NOL12: variants seen among roughly 807,000 people sequenced by gnomAD.
NOL12 encodes nucleolar protein 12.
NOL12 carries 21 observed loss-of-function variants against 25.2 expected under a neutral mutation model. The observed-to-expected ratio is 0.83, with a 90% CI of 0.59 to 1.20. NOL12 has a LOEUF of 1.20. NOL12 is among the 50% of genes most tolerant of loss of function. The pLI is 0.00. For missense variants in NOL12, 286 were observed against 287.6 expected (o/e 0.99, Z 0.04); for synonymous variants, 133 against 113.8 (o/e 1.17, Z -1.08).
In NOL12 at chr22:37,691,384, T is replaced by TTGCTCAGCTTGGCTGTCCC; in HGVS notation, c.*51_*69dup. 1 of 1,535,204 alleles carries TTGCTCAGCTTGGCTGTCCC rather than the reference T, an allele frequency of 6.5e-7. No homozygotes were observed. On this transcript the variant is annotated 3_prime_UTR_variant, in exon 6 of 6. Transcript: ENST00000359114. ...CAGTCTAGGCTGCGGGGACCTGTCC[T>TTGCTCAGCTTGGCTGTCCC]TGCTCAGCTTGGCTGTCCCTGTAGC... is the stretch of plus-strand genomic sequence containing the variant.
chr22:37,688,384 C>G (rs775475288), intron 3 of NOL12, 24 bp downstream of exon 3: 2 of 1,612,594 alleles, frequency 1.2e-6, no homozygotes, highest in Non-Finnish European at 1.7e-6. Context: ...TTGGCCTGAC[C>G]TGGAGAACAG....
chr22:37,686,510 C>G (rs1457621914), intron 1 of NOL12, 35 bp downstream of exon 1: 3 of 1,551,114 alleles, frequency 1.9e-6, no homozygotes, highest in East Asian at 2.5e-5. Flanking sequence ...TCCCCTCGAG[C>G]TGTTCTTCGC....
At chr22:37,689,500 G>T (rs1921974290) in intron 4 of NOL12, among the ~76,000 whole-genome samples, 1 of 152,116 alleles carries the variant, frequency 6.6e-6, no homozygotes, top group Non-Finnish European at 1.5e-5. Context: ...TTTTCAACCT[G>T]TGGGTTGTGA....
intron 4 of NOL12, among the ~76,000 whole-genome samples, chr22:37,689,926 C>T (rs1358861253): frequency 1.3e-5 from 2 of 151,962 alleles, no homozygotes; most frequent in African/African-American, 4.8e-5. Context: ...AATCCCAGCA[C>T]TTTGGGAGGC....
At position 37,691,389 on chromosome 22, in the gene NOL12, C is replaced by A; in HGVS notation, c.*53C>A. 6.5e-7 allele frequency: 1 copy of A among 1,526,984 alleles called. No homozygotes were observed. Among genetic ancestry groups the A allele is most frequent in the South Asian group, 1.3e-5 (1 of 79,814 alleles). The allele number at this position is 1,526,984 out of a possible 1,614,324, so 94.6% of individuals were successfully genotyped here. A position where few individuals can be genotyped will look rare whatever the true frequency, so the allele number is the denominator to read the frequency against. On this transcript the variant is annotated 3_prime_UTR_variant, in exon 6 of 6. Coordinates refer to ENST00000359114, the MANE Select transcript of NOL12 (RefSeq NM_024313.3). ...TAGGCTGCGGGGACCTGTCCTTGCT[C>A]AGCTTGGCTGTCCCTGTAGCCCAGC...
intron 1 of NOL12, 185 bp downstream of exon 1, chr22:37,686,660 C>T (rs1921829742): frequency 3.0e-6 from 3 of 985,460 alleles, no homozygotes; most frequent in Non-Finnish European, 3.6e-6. Flanking sequence ...CTTCTCCCTT[C>T]TTGACCTCCC....
intron 1 of NOL12, 62 bp from the exon 2 acceptor site, chr22:37,687,848 A>C: frequency 7.6e-7 from 1 of 1,317,920 alleles, no homozygotes; most frequent in Non-Finnish European, 1.1e-6. Flanking sequence ...TTTTTCTCCT[A>C]GAGCGAGCCC....
At position 37,692,636 on chromosome 22, in the gene NOL12, G is replaced by A. The variant is rs117826239; in HGVS notation, c.*1300G>A. Reference sequence around the variant, plus strand: ...AACTGTGTTCCCAGGGCTTGCTGACGCCCGTGGACTATGGAGTCAGGATGA... The same window carrying A: ...AACTGTGTTCCCAGGGCTTGCTGACACCCGTGGACTATGGAGTCAGGATGA... On this transcript the variant is annotated 3_prime_UTR_variant, in exon 6 of 6. Coordinates refer to ENST00000359114, the MANE Select transcript of NOL12 (RefSeq NM_024313.3). 7.5e-6 allele frequency: 3 copies of A among 398,618 alleles called. No individual in the cohort carries two copies. Among genetic ancestry groups the A allele is most frequent in the Admixed American group, 4.4e-5 (1 of 22,714 alleles). 24.7% of individuals were successfully genotyped at this position (398,618 alleles called of 1,614,324 possible). A position where few individuals can be genotyped will look rare whatever the true frequency, so the allele number is the denominator to read the frequency against.
In NOL12 at chr22:37,687,980, C is replaced by T. The variant is rs372211316; in HGVS notation, c.154C>T (p.Arg52Trp). 17 of 1,579,726 alleles carry T rather than the reference C, an allele frequency of 1.1e-5. No individual in the cohort carries two copies. Among genetic ancestry groups the T allele is most frequent in the Non-Finnish European group, 1.4e-5 (16 of 1,162,636 alleles). Residue 52 changes from arginine to tryptophan, a missense_variant, in exon 2 of 6, where the codon CGG becomes TGG. Arg to Trp is a moderately radical substitution (Grantham distance 101). Coordinates refer to ENST00000359114, the MANE Select transcript of NOL12 (RefSeq NM_024313.3). Reference sequence around the variant, plus strand: ...GGCAGCCATTGAGGAGATTAAGCAGCGGCTGAAAGAGGAGCAGAGGAAGCT... The same window carrying T: ...GGCAGCCATTGAGGAGATTAAGCAGTGGCTGAAAGAGGAGCAGAGGAAGCT... ...KKAAIEEIKQ[R>W]LKEEQRKLRE...
chr22:37,689,960 T>C (rs539721039), intron 4 of NOL12, among the ~76,000 whole-genome samples: 3 of 152,210 alleles, frequency 2.0e-5, no homozygotes, highest in African/African-American at 7.2e-5. Flanking sequence ...TCACCTGAGG[T>C]TGGGAGTTCG....
intron 5 of NOL12, 189 bp from the exon 6 acceptor site, chr22:37,690,985 G>T: frequency 1.4e-6 from 1 of 722,432 alleles, no homozygotes. Flanking sequence ...AGTGCTTTTC[G>T]TGCCTGGGTG....
Position 37,692,689 on chromosome 22 carries a change from G to A in NOL12, c.*1353G>A, listed in dbSNP as rs915857181. 4 of 398,864 alleles carry A rather than the reference G, an allele frequency of 1.0e-5. No homozygotes were observed. The highest frequency in any genetic ancestry group is 4.1e-5 in the African/African-American group (2 of 48,640). 24.7% of individuals were successfully genotyped at this position (398,864 alleles called of 1,614,324 possible). A position where few individuals can be genotyped will look rare whatever the true frequency, so the allele number is the denominator to read the frequency against. On this transcript the variant is annotated 3_prime_UTR_variant, in exon 6 of 6. Transcript: ENST00000359114. The stretch of plus-strand genomic sequence containing the variant: ...GGACAGTGCGGTGAGGGGCATCTGC[G>A]ACAGGACTGCGGGCTCTACCCGCCC...
In NOL12 at chr22:37,688,897, G is replaced by A. The variant is rs757548742; in HGVS notation, c.286G>A (p.Val96Met). 8 of 1,613,920 alleles carry A rather than the reference G, an allele frequency of 5.0e-6. No individual in the cohort carries two copies. In the South Asian group the frequency reaches 6.6e-5, roughly 13 times the overall value. Residue 96 changes from valine to methionine, a missense_variant, in exon 4 of 6, where the codon GTG (valine) becomes ATG (methionine). Val to Met is a conservative substitution (Grantham distance 21). Coordinates refer to ENST00000359114, the MANE Select transcript of NOL12 (RefSeq NM_024313.3). ...GTTGGTGACAGCAAAGACGGAGTCG[G>A]TGCAGTATGACCACCCCAACCACAC... ...DRLVTAKTES[V>M]QYDHPNHTVT... is the part of the protein sequence containing the mutation.
intron 2 of NOL12, 66 bp downstream of exon 2, chr22:37,688,081 T>A: frequency 7.2e-7 from 1 of 1,380,908 alleles, no homozygotes; most frequent in Non-Finnish European, 1.0e-6. Context: ...TGGATTTCCC[T>A]AATAGAGGCA....
chr22:37,686,557 C>T (rs989624637), intron 1 of NOL12, 82 bp downstream of exon 1: 19 of 1,431,484 alleles, frequency 1.3e-5, no homozygotes, highest in African/African-American at 4.5e-5. Flanking sequence ...ACGCTCCCGC[C>T]GGGGGCTCTT....
At chr22:37,686,731 C>T (rs1921833185) in intron 1 of NOL12, 2 of 985,342 alleles carry the variant, frequency 2.0e-6, no homozygotes, top group African/African-American at 1.7e-5. Context: ...AGAGCAGTGG[C>T]TTCGACCACC....
At chr22:37,687,267 C>A (rs995413644) in intron 1 of NOL12, among the ~76,000 whole-genome samples, 10 of 139,104 alleles carry the variant, frequency 7.2e-5, no homozygotes, top group East Asian at 2.5e-4. Flanking sequence ...GGCCCCCCCC[C>A]CCACCCGCCC....
In NOL12 at chr22:37,691,637, T is replaced by G; in HGVS notation, c.*301T>G. 6.6e-6 allele frequency: 1 copy of G among 151,192 alleles called. No individual in the cohort carries two copies. The highest frequency in any genetic ancestry group is 1.1e-5 in the Non-Finnish European group (1 of 87,030). 9.4% of individuals were successfully genotyped at this position (151,192 alleles called of 1,614,324 possible). On this transcript the variant is annotated 3_prime_UTR_variant, in exon 6 of 6. Transcript: ENST00000359114. The stretch of plus-strand genomic sequence containing the variant: ...CCTGGCACTCATCAGATTTGTGCGC[T>G]TGTGATTTGTTTGTCCTTGATACCA...
chr22:37,686,557 CG>C (rs1569023784), intron 1 of NOL12, 82 bp downstream of exon 1: 4 of 1,431,480 alleles, frequency 2.8e-6, no homozygotes, highest in African/African-American at 1.5e-5. Context: ...ACGCTCCCGC[CG>C]GGGGCTCTTC....
Sources: gnomAD v4.1 joint callset for allele counts (sites outside exome capture counted in the v4.1 genomes callset) on GRCh38, gnomAD v4.1.1 for gene constraint, MANE v1.5 for transcripts, NCBI Gene and HGNC (gene_info 2026-07-23, HGNC 2026-07-21) for gene names.